Variants in TMPRSS15 observed in about 807,000 individuals in gnomAD.
TMPRSS15 encodes the protein transmembrane serine protease 15.
TMPRSS15 carries 128 observed loss-of-function variants against 125.3 expected under a neutral mutation model. The ratio of observed to expected loss-of-function variants is 1.02; its 90% CI spans 0.89 to 1.18. TMPRSS15 has a LOEUF of 1.18. TMPRSS15 is among the 50% of genes most tolerant of loss of function. The probability of loss-of-function intolerance (pLI) is 0.00; values close to 1 mark genes in which losing one functional copy is unlikely to be tolerated. For synonymous variants in TMPRSS15, 446 were observed against 423.2 expected (o/e 1.05, Z -0.66); for missense variants, 1,283 against 1,212.7 (o/e 1.06, Z -0.86).
At chr21:18,408,357 G>A (rs145034385), upstream of TMPRSS15, among the ~76,000 whole-genome samples, 2 of 152,068 alleles carry the variant, frequency 1.3e-5, no homozygotes, top group Non-Finnish European at 2.9e-5. Context: ...TTGTGTGGCT[G>A]GGTTGTAATC....
chr21:18,278,476 T>C (rs2074647463), intron 23 of TMPRSS15, among the ~76,000 whole-genome samples: 2 of 152,008 alleles, frequency 1.3e-5, no homozygotes, highest in African/African-American at 2.4e-5. Context: ...TCCCAGCACT[T>C]TGGGAGGCTA....
At position 18,387,223 on chromosome 21, in the gene TMPRSS15, G is replaced by A. The variant is rs548365012; in HGVS notation, c.345-3445C>T. Among the ~76,000 whole-genome samples the A allele has an allele frequency of 2.6e-4, 39 of 151,956 alleles. 1 individual carries two copies. The highest frequency in any genetic ancestry group is 1.0e-3 in the Admixed American group (16 of 15,270). On this transcript the variant is annotated intron_variant, in intron 3 of 24. Transcript: ENST00000284885. ...AATGAAATGAGAATTCTTCCTTTAG[G>A]TTAAAAAAAATGACCATTTTCATTT...
At chr21:18,485,288 T>C (rs566980477) in intron 1 of TMPRSS15, among the ~76,000 whole-genome samples, 1 of 152,056 alleles carries the variant, frequency 6.6e-6, no homozygotes, top group African/African-American at 2.4e-5. Flanking sequence ...TTTTTCCTCT[T>C]TATTTCAATC....
intron 1 of TMPRSS15, among the ~76,000 whole-genome samples, chr21:18,420,675 G>C (rs1458919973): frequency 1.3e-5 from 2 of 152,158 alleles, no homozygotes; most frequent in African/African-American, 4.8e-5. Flanking sequence ...TTTCTGTTAA[G>C]TTCCGTTAAG....
intron 1 of TMPRSS15, among the ~76,000 whole-genome samples, chr21:18,444,756 A>G (rs1221600811): frequency 1.3e-5 from 2 of 152,142 alleles, no homozygotes; most frequent in African/African-American, 4.8e-5. Flanking sequence ...ATATATTATT[A>G]TTAACTATAA....
chr21:18,352,162 A>T (rs2075576351), intron 10 of TMPRSS15, among the ~76,000 whole-genome samples: 1 of 152,052 alleles, frequency 6.6e-6, no homozygotes, highest in African/African-American at 2.4e-5. Flanking sequence ...TATGTGTTCC[A>T]AGACTTTCAT....
chr21:18,418,371 T>C (rs2076184837), intron 1 of TMPRSS15, among the ~76,000 whole-genome samples: 2 of 152,212 alleles, frequency 1.3e-5, no homozygotes, highest in African/African-American at 4.8e-5. Context: ...AAAGAGAATG[T>C]CATTCTGCGG....
At chr21:18,329,375 A>G (rs751440276) in intron 14 of TMPRSS15, 81 bp from the exon 15 acceptor site, 221 of 1,397,622 alleles carry the variant, frequency 1.6e-4, no homozygotes, top group Non-Finnish European at 2.0e-4. Context: ...AGAATTTCAA[A>G]TAACTTAAAA....
At chr21:18,406,088 A>T (rs948777035), upstream of TMPRSS15, among the ~76,000 whole-genome samples, 2 of 152,182 alleles carry the variant, frequency 1.3e-5, no homozygotes, top group Non-Finnish European at 2.9e-5. Flanking sequence ...GGCAGTCCAG[A>T]AAACCTCCAT....
chr21:18,372,097 A>AGTGTGTGTGT (rs1601405253), intron 6 of TMPRSS15, 96 bp downstream of exon 6: 2 of 497,094 alleles, frequency 4.0e-6, no homozygotes, highest in Non-Finnish European at 5.8e-6. Context: ...TTGAGATTAG[A>AGTGTGTGTGT]ATGTGTGTGT....
Position 18,338,028 on chromosome 21 carries a change from C to A in TMPRSS15, c.1564+3385G>T, listed in dbSNP as rs149090476. 1.9e-3 allele frequency among the ~76,000 whole-genome samples: 296 copies of A among 152,110 alleles called. 1 individual carries two copies. The highest frequency in any genetic ancestry group is 6.7e-3 in the African/African-American group (279 of 41,504). ...TGGGTTATTCTTTCATTATAATTTCCCTATTGTTAAAATAGACAGGGACAC... is the reference window on the plus strand; with the variant it reads ...TGGGTTATTCTTTCATTATAATTTCACTATTGTTAAAATAGACAGGGACAC... On this transcript the variant is annotated intron_variant, in intron 13 of 24. Coordinates refer to ENST00000284885, the MANE Select transcript of TMPRSS15 (RefSeq NM_002772.3).
At chr21:18,329,477 T>C (rs986653648) in intron 14 of TMPRSS15, among the ~76,000 whole-genome samples, 183 bp from the exon 15 acceptor site, 2 of 151,578 alleles carry the variant, frequency 1.3e-5, no homozygotes, top group Non-Finnish European at 2.9e-5. Flanking sequence ...AGAAAATATA[T>C]TGGTTTAGTC....
Position 18,280,210 on chromosome 21 carries a change from A to T in TMPRSS15, c.2668+830T>A, listed in dbSNP as rs112275790. ...TTCACTTTATCAGGGGATTTCTTGC[A>T]CATTTTCCAGGCATTTGGAGGAAGT... On this transcript the variant is annotated intron_variant, in intron 22 of 24. Coordinates refer to ENST00000284885, the MANE Select transcript of TMPRSS15 (RefSeq NM_002772.3). 5.9e-3 allele frequency among the ~76,000 whole-genome samples: 894 copies of T among 152,324 alleles called. 10 individuals are homozygous for T. Among genetic ancestry groups the T allele is most frequent in the African/African-American group, 0.021 (869 of 41,564 alleles).
intron 3 of TMPRSS15, among the ~76,000 whole-genome samples, chr21:18,393,744 C>T (rs999693623): frequency 2.6e-5 from 4 of 152,110 alleles, no homozygotes; most frequent in African/African-American, 9.7e-5. Flanking sequence ...ATTACTCATG[C>T]CTAATTTATT....
At chr21:18,380,955 A>T (rs183574597) in intron 4 of TMPRSS15, among the ~76,000 whole-genome samples, 59 of 152,296 alleles carry the variant, frequency 3.9e-4, no homozygotes, top group Non-Finnish European at 4.1e-4. Flanking sequence ...AAACATATGA[A>T]GGTAACAATT....
At chr21:18,270,682 T>A (rs560528621) in intron 24 of TMPRSS15, among the ~76,000 whole-genome samples, 29 of 152,286 alleles carry the variant, frequency 1.9e-4, no homozygotes, top group African/African-American at 6.5e-4. Flanking sequence ...TAATTTTTAG[T>A]GATAATTGCT....
At chr21:18,317,593 C>T (rs1350022794) in intron 16 of TMPRSS15, among the ~76,000 whole-genome samples, 1 of 152,006 alleles carries the variant, frequency 6.6e-6, no homozygotes, top group Non-Finnish European at 1.5e-5. Context: ...ACCACAAGGA[C>T]CAGGCTTTCA....
At chr21:18,378,262 G>A (rs1008682174) in intron 5 of TMPRSS15, among the ~76,000 whole-genome samples, 18 of 152,054 alleles carry the variant, frequency 1.2e-4, no homozygotes, top group Admixed American at 1.1e-3. Flanking sequence ...GGATTTGAGA[G>A]GCTGTAAATA....
At chr21:18,285,981 G>T (rs2074758636) in intron 21 of TMPRSS15, among the ~76,000 whole-genome samples, 1 of 152,006 alleles carries the variant, frequency 6.6e-6, no homozygotes, top group South Asian at 2.1e-4. Context: ...TTAAAATATG[G>T]GTATATGCTT....
Sources: allele counts gnomAD v4.1 joint callset (sites outside exome capture counted in the v4.1 genomes callset), GRCh38; gene constraint gnomAD v4.1.1; transcripts MANE v1.5; gene names NCBI Gene and HGNC (gene_info 2026-07-23, HGNC 2026-07-21).